ASXL2: variants seen among roughly 807,000 people sequenced by gnomAD.
ASXL2 encodes putative Polycomb group protein ASXL2.
In ASXL2, 23 loss-of-function variants were observed where a neutral mutation model predicts 122.0. That is an observed-to-expected ratio of 0.19 (90% CI 0.14 to 0.27). The LOEUF is 0.27. Among genes scored for constraint, ASXL2 ranks in the 10% least tolerant of loss-of-function variants. The probability of loss-of-function intolerance (pLI) is 1.00; values close to 1 mark genes in which losing one functional copy is unlikely to be tolerated. For missense variants in ASXL2, 1,518 were observed against 1,713.8 expected (o/e 0.89, Z 2.02); for synonymous variants, 650 against 637.0 (o/e 1.02, Z -0.31).
intron 8 of ASXL2, among the ~76,000 whole-genome samples, chr2:25,760,592 C>A (rs1390915117): frequency 6.6e-6 from 1 of 152,222 alleles, no homozygotes; most frequent in Non-Finnish European, 1.5e-5. Context: ...AGAAATTCTA[C>A]ATTTTGAATT....
chr2:25,830,976 AT>A (rs2089443793), intron 3 of ASXL2: 1 of 152,360 alleles, frequency 6.6e-6, no homozygotes, highest in Admixed American at 6.5e-5. Context: ...CAACATTCAT[AT>A]CATCAGCATT....
chr2:25,743,582 T>A lies in ASXL2; in HGVS notation c.2755A>T (p.Thr919Ser). ...TTAAGGCTAGAAGCTGCTGGCAAAG[T>A]GCTCGAGGGTGGAGCTGATCCAGCA... ...APAGSAPPSS[T>S]LPAASSLKTP... The change falls in exon 13 of 13, where the codon ACT (threonine) becomes TCT (serine). Residue 919 changes from threonine to serine, a missense_variant. By Grantham distance (58) the Thr-to-Ser change is moderately conservative. This residue lies in a region of ASXL2 where 831 missense variants were observed against 833.1 expected (regional missense o/e 1.00). Coordinates refer to ENST00000435504, the MANE Select transcript of ASXL2 (RefSeq NM_018263.6). 1 of 1,614,034 alleles carries A rather than the reference T, an allele frequency of 6.2e-7. No homozygotes were observed. The highest frequency in any genetic ancestry group is 8.5e-7 in the Non-Finnish European group (1 of 1,179,896).
chr2:25,783,837 C>T (rs1224858588), intron 5 of ASXL2, among the ~76,000 whole-genome samples: 3 of 151,276 alleles, frequency 2.0e-5, no homozygotes, highest in African/African-American at 4.9e-5. Flanking sequence ...GGGAGGATCA[C>T]GAGGTCAAGA....
intron 3 of ASXL2, among the ~76,000 whole-genome samples, chr2:25,815,845 G>A (rs571930152): frequency 6.6e-6 from 1 of 152,228 alleles, no homozygotes; most frequent in African/African-American, 2.4e-5. Context: ...GTCATTTACA[G>A]CTGGAAGTAT....
chr2:25,842,117 A>T (rs1232535121), intron 2 of ASXL2, among the ~76,000 whole-genome samples: 2 of 151,658 alleles, frequency 1.3e-5, no homozygotes, highest in Non-Finnish European at 2.9e-5. Context: ...TGTCTCAAAA[A>T]AAAAAGAAAA....
intron 3 of ASXL2, among the ~76,000 whole-genome samples, chr2:25,809,052 C>T (rs2089126281): frequency 6.6e-6 from 1 of 152,144 alleles, no homozygotes; most frequent in Non-Finnish European, 1.5e-5. Flanking sequence ...TTCTCTGATA[C>T]AAAGTACAAT....
intron 12 of ASXL2, among the ~76,000 whole-genome samples, chr2:25,747,534 T>A (rs1361384047): frequency 6.6e-6 from 1 of 152,088 alleles, no homozygotes; most frequent in African/African-American, 2.4e-5. Context: ...AAAGTAAAAT[T>A]ATATTAACTT....
chr2:25,811,856 A>G (rs1392344263), intron 3 of ASXL2, among the ~76,000 whole-genome samples: 1 of 152,046 alleles, frequency 6.6e-6, no homozygotes, highest in Admixed American at 6.6e-5. Flanking sequence ...GGTTCAAGCG[A>G]TTCTCCTGCC....
intron 10 of ASXL2, among the ~76,000 whole-genome samples, chr2:25,754,443 A>G (rs1028239766): frequency 6.6e-6 from 1 of 152,174 alleles, no homozygotes; most frequent in Non-Finnish European, 1.5e-5. Flanking sequence ...GGGTGAGAAG[A>G]AGGAGAGGAA....
At chr2:25,788,189 C>T (rs777774057) in intron 5 of ASXL2, among the ~76,000 whole-genome samples, 46 of 152,130 alleles carry the variant, frequency 3.0e-4, no homozygotes, top group Admixed American at 1.2e-3. Flanking sequence ...AATGATGATC[C>T]TCATCTCACA....
At chr2:25,799,049 G>T (rs928885356) in intron 5 of ASXL2, among the ~76,000 whole-genome samples, 1 of 152,082 alleles carries the variant, frequency 6.6e-6, no homozygotes, top group Non-Finnish European at 1.5e-5. Context: ...TGTGGCGGGG[G>T]AGGGGTACAT....
At chr2:25,799,993 C>CAAA (rs563216355) in intron 4 of ASXL2, among the ~76,000 whole-genome samples, 2 of 98,302 alleles carry the variant, frequency 2.0e-5, no homozygotes, top group African/African-American at 3.7e-5. Context: ...AAAAAAAATG[C>CAAA]AAAAAAAAAA....
intron 1 of ASXL2, among the ~76,000 whole-genome samples, chr2:25,872,792 A>C (rs969620077): frequency 6.6e-6 from 1 of 152,224 alleles, no homozygotes; most frequent in African/African-American, 2.4e-5. Context: ...GAGGACGCTT[A>C]AGCAAACTAA....
intron 12 of ASXL2, among the ~76,000 whole-genome samples, chr2:25,747,848 G>C (rs894159046): frequency 1.3e-5 from 2 of 152,100 alleles, no homozygotes; most frequent in African/African-American, 2.4e-5. Context: ...CCATAGATTC[G>C]TAAGTGCTAA....
At chr2:25,811,055 T>TACACACACACACACACACACACACACAC (rs34006530) in intron 3 of ASXL2, among the ~76,000 whole-genome samples, 1 of 116,358 alleles carries the variant, frequency 8.6e-6, no homozygotes, top group Non-Finnish European at 1.8e-5. Flanking sequence ...AATACAAAAA[T>TACACACACACACACACACACACACACAC]ACACACACAC....
At chr2:25,876,433 C>T (rs2090010291) in intron 1 of ASXL2, among the ~76,000 whole-genome samples, 1 of 152,086 alleles carries the variant, frequency 6.6e-6, no homozygotes, top group African/African-American at 2.4e-5. Context: ...GAGAGGCCAA[C>T]GGCAGGAGGA....
intron 3 of ASXL2, chr2:25,822,680 A>G: frequency 1.4e-6 from 1 of 693,804 alleles, no homozygotes; most frequent in South Asian, 1.3e-5. Context: ...AAACGGACAG[A>G]TCAATTGTAT....
intron 3 of ASXL2, among the ~76,000 whole-genome samples, chr2:25,813,773 G>A (rs528943530): frequency 6.6e-5 from 10 of 152,310 alleles, no homozygotes; most frequent in Middle Eastern, 3.4e-3. Flanking sequence ...ACTGTCGGCC[G>A]GGCGCAGTGG....
intron 2 of ASXL2, among the ~76,000 whole-genome samples, chr2:25,844,094 C>A (rs949542957): frequency 3.9e-5 from 6 of 152,110 alleles, no homozygotes; most frequent in African/African-American, 1.4e-4. Context: ...AACAGCCCCC[C>A]AAAATTCTAA....
Sources: gnomAD v4.1 joint callset for allele counts (sites outside exome capture counted in the v4.1 genomes callset) on GRCh38, gnomAD v4.1.1 for gene constraint, gnomAD v4.1.1 regional missense constraint, MANE v1.5 for transcripts, NCBI Gene and HGNC (gene_info 2026-07-23, HGNC 2026-07-21) for gene names.